The following MON2 variants were observed in gnomAD, a reference collection of about 807,000 sequenced individuals.
The protein encoded by MON2 is MON2 regulator of endosome-to-Golgi trafficking.
A neutral mutation model predicts 208.6 loss-of-function variants in MON2; 84 were observed. That is an observed-to-expected ratio of 0.40 (90% confidence interval 0.34 to 0.48). MON2 has a LOEUF of 0.48. Among genes scored for constraint, MON2 ranks in the 20% least tolerant of loss-of-function variants. The probability of loss-of-function intolerance (pLI) is 0.59; values close to 1 mark genes in which losing one functional copy is unlikely to be tolerated. For synonymous variants in MON2, 660 were observed against 694.0 expected (o/e 0.95, Z 0.77); for missense variants, 1,611 against 2,015.4 (o/e 0.80, Z 3.84).
At chr12:62,500,933 T>A (rs1389743331) in intron 6 of MON2, 53 bp downstream of exon 6, 2 of 1,139,968 alleles carry the variant, frequency 1.8e-6, no homozygotes, top group Non-Finnish European at 2.5e-6. Flanking sequence ...TTTGTGTGAA[T>A]TTTTTAGTTG....
At chr12:62,553,361 C>T in intron 24 of MON2, 187 bp downstream of exon 24, 1 of 519,444 alleles carries the variant, frequency 1.9e-6, no homozygotes, top group East Asian at 3.1e-5. Context: ...ATATTAACAG[C>T]CTTATCTCTG....
At chr12:62,492,607 A>AGG (rs2070220719) in intron 2 of MON2, among the ~76,000 whole-genome samples, 1 of 146,552 alleles carries the variant, frequency 6.8e-6, no homozygotes. Context: ...TCCTGACCTC[A>AGG]TGATCCACCC....
In MON2 at chr12:62,466,971, C is replaced by T. The variant is rs2068546523; in HGVS notation, c.-237C>T. ...GCCTTGTGGGTTTCTCGGCCAGAGTCGGCGGAGCCTAGCGGGACGGTGCGA... is the reference window on the plus strand; with the variant it reads ...GCCTTGTGGGTTTCTCGGCCAGAGTTGGCGGAGCCTAGCGGGACGGTGCGA... On this transcript the variant is annotated 5_prime_UTR_variant, in exon 1 of 35. Coordinates refer to ENST00000393630, the MANE Select transcript of MON2 (RefSeq NM_015026.3). 1.9e-6 allele frequency: 1 copy of T among 515,404 alleles called. No individual in the cohort carries two copies. The highest frequency in any genetic ancestry group is 3.4e-6 in the Non-Finnish European group (1 of 290,314). The allele number at this position is 515,404 out of a possible 1,614,324, so 31.9% of individuals were successfully genotyped here. A position where few individuals can be genotyped will look rare whatever the true frequency, so the allele number is the denominator to read the frequency against.
intron 1 of MON2, chr12:62,470,726 G>A: frequency 8.6e-7 from 1 of 1,168,396 alleles, no homozygotes; most frequent in Non-Finnish European, 1.1e-6. Context: ...ATCTAACTGA[G>A]CCTGGAAGTT....
chr12:62,581,762 G>A (rs893102903), intron 32 of MON2, among the ~76,000 whole-genome samples: 44 of 151,994 alleles, frequency 2.9e-4, no homozygotes, highest in African/African-American at 9.9e-4. Context: ...TTCGGGAAGC[G>A]GAGGTTGCAG....
intron 26 of MON2, among the ~76,000 whole-genome samples, chr12:62,563,282 G>A (rs1239235248): frequency 2.6e-5 from 4 of 152,148 alleles, no homozygotes. Flanking sequence ...ATATTTGTAA[G>A]GCACTTAGTG....
Position 62,547,077 on chromosome 12 carries a change from GT to G in MON2, c.2753+6del. 1 of 1,443,672 alleles carries G rather than the reference GT, an allele frequency of 6.9e-7. No homozygotes were observed. The highest frequency in any genetic ancestry group is 9.1e-7 in the Non-Finnish European group (1 of 1,093,624). The allele number at this position is 1,443,672 out of a possible 1,614,324, so 89.4% of individuals were successfully genotyped here. Reference sequence around the variant, plus strand: ...AGCAATCAGAAATGATCAAGGGTAAGTATTTAAAATTATTTGAGAAAAAATA... The same window carrying G: ...AGCAATCAGAAATGATCAAGGGTAAGATTTAAAATTATTTGAGAAAAAATA... On this transcript the variant is annotated splice_donor_region_variant and intron_variant, in intron 22 of 34. Transcript: ENST00000393630.
rs1203544693 is a variant in MON2, at chr12:62,597,422, C to T, written c.*4673C>T. 2 of 152,138 alleles carry T rather than the reference C, an allele frequency of 1.3e-5. No homozygotes were observed. Among genetic ancestry groups the T allele is most frequent in the South Asian group, 2.1e-4 (1 of 4,826 alleles). 9.4% of individuals were successfully genotyped at this position (152,138 alleles called of 1,614,324 possible). A position where few individuals can be genotyped will look rare whatever the true frequency, so the allele number is the denominator to read the frequency against. On this transcript the variant is annotated 3_prime_UTR_variant, in exon 35 of 35. Transcript: ENST00000393630. ...AGAACCACTGCTCATGGTTCTACCA[C>T]TACAAAGTGGAAAGTAGAAATACTT...
intron 2 of MON2, among the ~76,000 whole-genome samples, chr12:62,489,086 G>A (rs1486970570): frequency 6.6e-6 from 1 of 152,008 alleles, no homozygotes; most frequent in East Asian, 1.9e-4. Flanking sequence ...CCTTATGTTA[G>A]GCATGTTTCA....
rs1225453211 is a variant in MON2 at position 62,600,471 on chromosome 12, C to G, written c.*7722C>G. 2 of 152,218 alleles carry G rather than the reference C, an allele frequency of 1.3e-5. No homozygotes were observed. The highest frequency in any genetic ancestry group is 4.8e-5 in the African/African-American group (2 of 41,460). The allele number at this position is 152,218 out of a possible 1,614,324, so 9.4% of individuals were successfully genotyped here. On this transcript the variant is annotated 3_prime_UTR_variant, in exon 35 of 35. Coordinates refer to ENST00000393630, the MANE Select transcript of MON2 (RefSeq NM_015026.3). The stretch of plus-strand genomic sequence containing the variant: ...ACTATACAATTAAATACTGGTGTAT[C>G]ACTAACAACTGTTTAGACCCTGTTT...
At chr12:62,484,505 A>G (rs558672987) in intron 2 of MON2, among the ~76,000 whole-genome samples, 2 of 152,336 alleles carry the variant, frequency 1.3e-5, no homozygotes, top group Non-Finnish European at 2.9e-5. Context: ...TCATCTTCGC[A>G]TTCTCCTCCA....
chr12:62,588,508 T>A (rs117725278), intron 34 of MON2, among the ~76,000 whole-genome samples: 1,607 of 152,278 alleles, frequency 0.011, 7 homozygotes, highest in Middle Eastern at 0.027. Context: ...TTCGTACTGA[T>A]TTACTTTGCA....
chr12:62,482,194 A>G lies in MON2; in HGVS notation c.112-1976A>G, dbSNP rs576774075. Among the ~76,000 whole-genome samples the G allele has an allele frequency of 1.1e-4, 16 of 152,356 alleles. No individual in the cohort carries two copies. The South Asian group carries it at 3.3e-3, about 32-fold the overall frequency. ...GGTAAGCATAGGCTGCCAGCAGGGC[A>G]TGTGGAAAAGCATCTACATTTTCAG... On this transcript the variant is annotated intron_variant, in intron 1 of 34. Transcript: ENST00000393630.
Position 62,548,995 on chromosome 12 carries a change from C to T in MON2, c.2754-673C>T, listed in dbSNP as rs148803352. On this transcript the variant is annotated intron_variant, in intron 22 of 34. Transcript: ENST00000393630. ...GTATTTACATGTACTGGACACTGTACTAGATATCAGGGATACAGTGAGGAG... is the reference window on the plus strand; with the variant it reads ...GTATTTACATGTACTGGACACTGTATTAGATATCAGGGATACAGTGAGGAG... 9.8e-3 allele frequency among the ~76,000 whole-genome samples: 1,488 copies of T among 152,174 alleles called. 22 individuals are homozygous for T. The highest frequency in any genetic ancestry group is 0.041 in the Middle Eastern group (12 of 294).
In MON2 at chr12:62,525,275, G is replaced by T; in HGVS notation, c.1246+55G>T. On this transcript the variant is annotated intron_variant, in intron 10 of 34. Transcript: ENST00000393630. ...ATATTCTGCCGTAAGTTACAGTATT[G>T]ACTGTTCTGAGAGGATATTATGAAA... 1.3e-6 allele frequency: 2 copies of T among 1,572,732 alleles called. 1 individual carries two copies. The highest frequency in any genetic ancestry group is 3.4e-4 in the Middle Eastern group (2 of 5,934).
intron 3 of MON2, 79 bp from the exon 4 acceptor site, chr12:62,494,937 T>C: frequency 9.5e-7 from 1 of 1,051,290 alleles, no homozygotes; most frequent in South Asian, 2.0e-5. Context: ...CTGATGTAGG[T>C]TTGTATACCT....
chr12:62,552,827 T>C, intron 23 of MON2, 54 bp from the exon 24 acceptor site: 1 of 1,368,290 alleles, frequency 7.3e-7, no homozygotes, highest in Non-Finnish European at 1.0e-6. Context: ...TGCATATTTA[T>C]GTGTTTAAAA....
chr12:62,549,546 G>A, intron 22 of MON2, 122 bp from the exon 23 acceptor site: 1 of 731,144 alleles, frequency 1.4e-6, no homozygotes, highest in Non-Finnish European at 2.1e-6. Context: ...GATCCAGGGA[G>A]GTTGAGAGTG....
In MON2 at chr12:62,472,614, C is replaced by T. The variant is rs938942128; in HGVS notation, c.111+5296C>T. Among the ~76,000 whole-genome samples the T allele has an allele frequency of 2.0e-5, 3 of 152,210 alleles. No individual in the cohort carries two copies. In the South Asian group the frequency reaches 6.2e-4, roughly 32 times the overall value. ...TGCTTTGTTAACTGGCTTAGGGAGA[C>T]CCCTAGTGAAAGAGATGCCTTCTAC... On this transcript the variant is annotated intron_variant, in intron 1 of 34. Coordinates refer to ENST00000393630, the MANE Select transcript of MON2 (RefSeq NM_015026.3).
Sources: allele counts gnomAD v4.1 joint callset (sites outside exome capture counted in the v4.1 genomes callset), GRCh38; gene constraint gnomAD v4.1.1; transcripts MANE v1.5; gene names NCBI Gene and HGNC (gene_info 2026-07-23, HGNC 2026-07-21).